The following CSMD1 variants were observed in gnomAD, a reference collection of about 807,000 sequenced individuals.
CSMD1 encodes CUB and sushi domain-containing protein 1.
Under a neutral mutation model 417.5 loss-of-function variants are expected in CSMD1, and 213 were observed. That is an observed-to-expected ratio of 0.51 (90% confidence interval 0.46 to 0.57). The LOEUF (loss-of-function observed/expected upper bound fraction) is 0.57, where lower values mean the gene tolerates loss of function less well. Among genes scored for constraint, CSMD1 ranks in the 20% least tolerant of loss-of-function variants. The probability of loss-of-function intolerance (pLI) is 0.00; values close to 1 mark genes in which losing one functional copy is unlikely to be tolerated. For synonymous variants in CSMD1, 2,862 were observed against 1,736.8 expected (o/e 1.65, Z -16.11); for missense variants, 6,923 against 4,529.7 (o/e 1.53, Z -15.17).
intron 5 of CSMD1, among the ~76,000 whole-genome samples, chr8:3,855,402 A>C (rs1446415753): frequency 6.6e-6 from 1 of 152,060 alleles, no homozygotes; most frequent in African/African-American, 2.4e-5. Flanking sequence ...AAAACAACAA[A>C]AATAAAAGCA....
At chr8:4,947,467 C>G (rs1475029596) in intron 1 of CSMD1, among the ~76,000 whole-genome samples, 1 of 152,000 alleles carries the variant, frequency 6.6e-6, no homozygotes, top group African/African-American at 2.4e-5. Context: ...TGTCATCTGT[C>G]CAGATCATCA....
chr8:4,177,715 C>G (rs1297570971), intron 3 of CSMD1, among the ~76,000 whole-genome samples: 2 of 149,054 alleles, frequency 1.3e-5, no homozygotes, highest in African/African-American at 2.5e-5. Context: ...AGACAAGAAT[C>G]AAATAGATGC....
chr8:3,175,507 G>GCCTGCCTGCCGT (rs149583717), intron 37 of CSMD1, among the ~76,000 whole-genome samples: 1 of 125,830 alleles, frequency 7.9e-6, no homozygotes, highest in African/African-American at 3.0e-5. Context: ...CTGCCTGCCT[G>GCCTGCCTGCCGT]CCTTTTTTCC....
chr8:4,636,430 A>G (rs189781226), intron 2 of CSMD1, among the ~76,000 whole-genome samples: 83 of 152,314 alleles, frequency 5.4e-4, no homozygotes, highest in Non-Finnish European at 1.1e-3. Context: ...TAAACCACAA[A>G]TTCTCCAAAG....
intron 3 of CSMD1, among the ~76,000 whole-genome samples, chr8:4,152,198 G>C (rs982506889): frequency 1.3e-5 from 2 of 152,046 alleles, no homozygotes; most frequent in Non-Finnish European, 1.5e-5. Flanking sequence ...TACATCTTTG[G>C]AGAAGAAGGA....
intron 6 of CSMD1, among the ~76,000 whole-genome samples, chr8:3,744,366 A>G (rs1796963008): frequency 6.6e-6 from 1 of 152,218 alleles, no homozygotes; most frequent in Non-Finnish European, 1.5e-5. Flanking sequence ...TAAACAGGGC[A>G]CAGCAGGACC....
Position 4,043,603 on chromosome 8 carries a change from G to A in CSMD1, c.416-11504C>T, listed in dbSNP as rs78979551. ...TTGAGGGGGAAATCAATGTAGAATAGCCAAACTGGAATTTCAAAAGACGAA... is the reference window on the plus strand; with the variant it reads ...TTGAGGGGGAAATCAATGTAGAATAACCAAACTGGAATTTCAAAAGACGAA... On this transcript the variant is annotated intron_variant, in intron 3 of 69. Coordinates refer to ENST00000635120, the MANE Select transcript of CSMD1 (RefSeq NM_033225.6). Among the ~76,000 whole-genome samples, 79 of 152,342 alleles carry A rather than the reference G, an allele frequency of 5.2e-4. No homozygotes were observed. In the East Asian group the frequency reaches 0.014, roughly 26 times the overall value.
At chr8:4,145,299 A>T (rs1804043399) in intron 3 of CSMD1, among the ~76,000 whole-genome samples, 1 of 151,000 alleles carries the variant, frequency 6.6e-6, no homozygotes, top group Non-Finnish European at 1.5e-5. Context: ...TCTTGTTGAG[A>T]ACTTTATGGT....
At chr8:4,465,970 A>T (rs1800142963) in intron 2 of CSMD1, among the ~76,000 whole-genome samples, 1 of 152,242 alleles carries the variant, frequency 6.6e-6, no homozygotes, top group Non-Finnish European at 1.5e-5. Context: ...TGTGGGAGAG[A>T]CAAGGACAGA....
intron 3 of CSMD1, among the ~76,000 whole-genome samples, chr8:4,035,752 G>T (rs950157961): frequency 2.6e-5 from 4 of 152,078 alleles, no homozygotes; most frequent in African/African-American, 9.7e-5. Context: ...TGAAAAAGAA[G>T]TTTATGAAGT....
intron 5 of CSMD1, among the ~76,000 whole-genome samples, chr8:3,793,192 T>A (rs902840514): frequency 6.6e-6 from 1 of 152,134 alleles, no homozygotes; most frequent in African/African-American, 2.4e-5. Flanking sequence ...ATTTTTCTGT[T>A]TAGCAATTTT....
At chr8:4,725,523 A>G (rs1368738674) in intron 1 of CSMD1, among the ~76,000 whole-genome samples, 1 of 152,138 alleles carries the variant, frequency 6.6e-6, no homozygotes, top group Non-Finnish European at 1.5e-5. Flanking sequence ...AGAGATTTCC[A>G]TTTTGCGAAC....
At chr8:4,055,300 A>G (rs552079322) in intron 3 of CSMD1, among the ~76,000 whole-genome samples, 1 of 152,286 alleles carries the variant, frequency 6.6e-6, no homozygotes, top group South Asian at 2.1e-4. Context: ...CTCTAGAAAG[A>G]TTCCAATGTC....
chr8:3,741,188 CG>C (rs1231102213), intron 6 of CSMD1, among the ~76,000 whole-genome samples: 1 of 139,560 alleles, frequency 7.2e-6, no homozygotes, highest in Non-Finnish European at 1.5e-5. Context: ...CAGTCCAGCC[CG>C]GGCAACAGAG....
chr8:3,866,974 G>C (rs930841779), intron 5 of CSMD1, among the ~76,000 whole-genome samples: 12 of 152,106 alleles, frequency 7.9e-5, no homozygotes, highest in African/African-American at 2.9e-4. Context: ...AAACCATTTT[G>C]CTTATACCAT....
intron 10 of CSMD1, among the ~76,000 whole-genome samples, chr8:3,534,688 C>A (rs1219115329): frequency 6.6e-6 from 1 of 152,188 alleles, no homozygotes; most frequent in Non-Finnish European, 1.5e-5. Flanking sequence ...TTGTGTACAT[C>A]CTTTTTCATT....
intron 6 of CSMD1, among the ~76,000 whole-genome samples, chr8:3,733,199 ACACACACTCT>A (rs1295144954): frequency 7.5e-6 from 1 of 132,480 alleles, no homozygotes; most frequent in African/African-American, 2.6e-5. Flanking sequence ...ACACACACAC[ACACACACTCT>A]CTCTCTCTCA....
chr8:3,528,379 A>G (rs545471313), intron 10 of CSMD1, among the ~76,000 whole-genome samples: 156 of 152,318 alleles, frequency 1.0e-3, no homozygotes, highest in Non-Finnish European at 1.8e-3. Context: ...ACAAATATCT[A>G]AGAGCACTTG....
At chr8:3,699,522 C>T (rs755204139) in intron 7 of CSMD1, among the ~76,000 whole-genome samples, 7 of 152,290 alleles carry the variant, frequency 4.6e-5, no homozygotes, top group African/African-American at 9.6e-5. Context: ...TGCTTTCCTA[C>T]GGCTTTCCAT....
Sources: gnomAD v4.1 joint callset for allele counts (sites outside exome capture counted in the v4.1 genomes callset) on GRCh38, gnomAD v4.1.1 for gene constraint, MANE v1.5 for transcripts, NCBI Gene and HGNC (gene_info 2026-07-23, HGNC 2026-07-21) for gene names.